Variants in ADGRL4 observed in about 807,000 individuals in gnomAD.
ADGRL4 encodes the protein adhesion G protein-coupled receptor L4.
ADGRL4 carries 90 observed loss-of-function variants against 74.8 expected under a neutral mutation model. The observed-to-expected ratio is 1.20, with a 90% CI of 1.02 to 1.43. ADGRL4 has a LOEUF of 1.43. ADGRL4 is among the 40% of genes most tolerant of loss of function. The pLI, the probability that ADGRL4 is intolerant of heterozygous loss-of-function variation, is 0.00. For synonymous variants in ADGRL4, 311 were observed against 279.2 expected (o/e 1.11, Z -1.14); for missense variants, 881 against 814.3 (o/e 1.08, Z -1.00).
At chr1:78,894,091 A>G (rs1417577386) in intron 12 of ADGRL4, among the ~76,000 whole-genome samples, 1 of 151,926 alleles carries the variant, frequency 6.6e-6, no homozygotes, top group Non-Finnish European at 1.5e-5. Context: ...AGATTTTTCC[A>G]AAGACACTTT....
At chr1:78,953,741 A>G (rs908902047) in intron 2 of ADGRL4, among the ~76,000 whole-genome samples, 2 of 152,216 alleles carry the variant, frequency 1.3e-5, no homozygotes, top group African/African-American at 4.8e-5. Context: ...ATGGTGGACA[A>G]TAAGCTCTGC....
At chr1:78,893,719 C>CT (rs1648337581) in intron 12 of ADGRL4, among the ~76,000 whole-genome samples, 1 of 151,830 alleles carries the variant, frequency 6.6e-6, no homozygotes. Context: ...GTTAATATTT[C>CT]TTTTTCCTTG....
chr1:78,939,142 A>C (rs1316531404), intron 4 of ADGRL4, 46 bp downstream of exon 4: 1 of 1,503,426 alleles, frequency 6.7e-7, no homozygotes, highest in African/African-American at 1.4e-5. Context: ...ATTTTAATTG[A>C]AACCAAAATG....
chr1:78,943,498 C>T (rs1161624571), intron 3 of ADGRL4, among the ~76,000 whole-genome samples: 3 of 152,174 alleles, frequency 2.0e-5, no homozygotes, highest in Non-Finnish European at 4.4e-5. Flanking sequence ...TGAATATGGA[C>T]TAAAGGTAAA....
intron 12 of ADGRL4, among the ~76,000 whole-genome samples, chr1:78,904,237 C>A (rs1648583089): frequency 6.6e-6 from 1 of 151,684 alleles, no homozygotes; most frequent in Non-Finnish European, 1.5e-5. Flanking sequence ...TCTGCTACAT[C>A]TAATGTGAAA....
intron 8 of ADGRL4, among the ~76,000 whole-genome samples, chr1:78,924,771 A>G (rs1341755184): frequency 1.3e-5 from 2 of 152,122 alleles, no homozygotes; most frequent in Non-Finnish European, 2.9e-5. Flanking sequence ...TAACACACCA[A>G]TTTATAGTAT....
chr1:78,915,531 C>G (rs1331332356), intron 12 of ADGRL4, among the ~76,000 whole-genome samples: 2 of 151,816 alleles, frequency 1.3e-5, no homozygotes, highest in East Asian at 3.9e-4. Context: ...AGAAAAACTT[C>G]TAATAGAGAA....
At chr1:79,002,251 C>T (rs1570282712) in intron 2 of ADGRL4, among the ~76,000 whole-genome samples, 3 of 152,184 alleles carry the variant, frequency 2.0e-5, no homozygotes, top group Admixed American at 6.5e-5. Context: ...CTTGCTATTG[C>T]TCAAAACATC....
intron 12 of ADGRL4, among the ~76,000 whole-genome samples, chr1:78,904,055 T>A (rs1270639467): frequency 6.6e-6 from 1 of 151,642 alleles, no homozygotes; most frequent in Admixed American, 6.6e-5. Flanking sequence ...ACATGGAACA[T>A]AATATAATAA....
chr1:78,999,643 G>T (rs990543385), intron 2 of ADGRL4, among the ~76,000 whole-genome samples: 6 of 151,990 alleles, frequency 3.9e-5, no homozygotes, highest in African/African-American at 1.5e-4. Flanking sequence ...CAAAATATAT[G>T]GCAGAACAGG....
chr1:78,964,256 G>A (rs1457859036), intron 2 of ADGRL4, among the ~76,000 whole-genome samples: 5 of 152,162 alleles, frequency 3.3e-5, no homozygotes, highest in African/African-American at 1.2e-4. Flanking sequence ...ATTGTAAAAT[G>A]TACATTTATT....
chr1:78,899,058 C>G (rs1442908278), intron 12 of ADGRL4, among the ~76,000 whole-genome samples: 1 of 152,084 alleles, frequency 6.6e-6, no homozygotes, highest in Non-Finnish European at 1.5e-5. Context: ...ATGAAGCCAT[C>G]TATATGATGT....
At chr1:78,916,160 A>G (rs1648868522) in intron 12 of ADGRL4, among the ~76,000 whole-genome samples, 1 of 151,928 alleles carries the variant, frequency 6.6e-6, no homozygotes, top group South Asian at 2.1e-4. Context: ...AATCCAAATT[A>G]GCCTTACACA....
intron 12 of ADGRL4, among the ~76,000 whole-genome samples, chr1:78,912,204 T>A (rs1189791222): frequency 6.6e-6 from 1 of 151,778 alleles, no homozygotes; most frequent in Non-Finnish European, 1.5e-5. Flanking sequence ...GGTAAATAAA[T>A]CAAGAAAGGC....
chr1:78,974,606 T>A (rs931237638), intron 2 of ADGRL4, among the ~76,000 whole-genome samples: 4 of 152,162 alleles, frequency 2.6e-5, no homozygotes, highest in African/African-American at 9.7e-5. Context: ...GAGACCAAAA[T>A]GTGTTACACT....
chr1:78,947,255 T>C (rs1379292127), intron 2 of ADGRL4, among the ~76,000 whole-genome samples: 19 of 152,090 alleles, frequency 1.2e-4, no homozygotes, highest in Admixed American at 1.2e-3. Context: ...AATAGGCCCT[T>C]TGGATATGTT....
At chr1:78,922,759 C>T (rs1262379907) in intron 8 of ADGRL4, among the ~76,000 whole-genome samples, 1 of 151,826 alleles carries the variant, frequency 6.6e-6, no homozygotes, top group Non-Finnish European at 1.5e-5. Flanking sequence ...TTAAGGTGTA[C>T]TTAAGACTAA....
intron 8 of ADGRL4, among the ~76,000 whole-genome samples, chr1:78,922,539 T>G (rs1649022256): frequency 6.6e-6 from 1 of 152,050 alleles, no homozygotes; most frequent in African/African-American, 2.4e-5. Flanking sequence ...TATCATACTT[T>G]TATATTAACT....
chr1:78,905,629 ATGACTCC>A (rs1327227014), intron 12 of ADGRL4, among the ~76,000 whole-genome samples: 4 of 152,026 alleles, frequency 2.6e-5, no homozygotes, highest in Admixed American at 2.0e-4. Context: ...ATGCTCATTG[ATGACTCC>A]TGATCTAGAA....
Sources: gnomAD v4.1 joint callset for allele counts (sites outside exome capture counted in the v4.1 genomes callset) on GRCh38, gnomAD v4.1.1 for gene constraint, MANE v1.5 for transcripts, NCBI Gene and HGNC (gene_info 2026-07-23, HGNC 2026-07-21) for gene names.